Variants in NFIB observed in about 807,000 individuals in gnomAD.
The protein encoded by NFIB is nuclear factor 1 B-type.
Under a neutral mutation model 61.5 loss-of-function variants are expected in NFIB, and 11 were observed. That is an observed-to-expected ratio of 0.18 (90% confidence interval 0.11 to 0.30). The LOEUF is 0.30. Ranked by LOEUF, NFIB falls within the 10% of genes least tolerant of loss-of-function variation. The probability of loss-of-function intolerance (pLI) is 1.00; values close to 1 mark genes in which losing one functional copy is unlikely to be tolerated. For missense variants in NFIB, 471 were observed against 608.9 expected (o/e 0.77, Z 2.38); for synonymous variants, 260 against 216.5 (o/e 1.20, Z -1.76).
chr9:14,218,074 A>T (rs2051164168), intron 2 of NFIB, among the ~76,000 whole-genome samples: 2 of 152,130 alleles, frequency 1.3e-5, no homozygotes, highest in Non-Finnish European at 2.9e-5. Flanking sequence ...GATTTCATCG[A>T]ACTTTTAAGA....
the NFIB span, among the ~76,000 whole-genome samples, chr9:14,510,572 T>C: frequency 9.3e-4 from 142 of 152,378 alleles, 2 homozygotes; most frequent in South Asian, 0.018. Context: ...AAAATGCATA[T>C]AGATTTCATT....
At chr9:14,190,362 G>A (rs1438027161) in intron 2 of NFIB, among the ~76,000 whole-genome samples, 1 of 152,170 alleles carries the variant, frequency 6.6e-6, no homozygotes, top group African/African-American at 2.4e-5. Flanking sequence ...AGGTAAAGTA[G>A]ATTTGTACGT....
intron 8 of NFIB, among the ~76,000 whole-genome samples, chr9:14,118,498 T>C (rs10738353): frequency 0.2 from 30,242 of 151,960 alleles, 3,067 homozygotes; most frequent in South Asian, 0.31. Flanking sequence ...AATTCCCAAG[T>C]CAATGCAGAC....
Position 14,086,797 on chromosome 9 carries a change from T to G in NFIB, c.*1512A>C. The stretch of plus-strand genomic sequence containing the variant: ...ATTTTTTTGTTTTTTTTTTTTTGTT[T>G]TTTGTTTTTTAGATTTCAAGGCAAG... On this transcript the variant is annotated 3_prime_UTR_variant, in exon 11 of 11. Transcript: ENST00000380953. 1 of 206,576 alleles carries G rather than the reference T, an allele frequency of 4.8e-6. No homozygotes were observed. Among genetic ancestry groups the G allele is most frequent in the Non-Finnish European group, 9.9e-6 (1 of 100,922 alleles). 12.8% of individuals were successfully genotyped at this position (206,576 alleles called of 1,614,324 possible).
chr9:14,151,442 T>C (rs532478751), intron 4 of NFIB, among the ~76,000 whole-genome samples: 1 of 152,206 alleles, frequency 6.6e-6, no homozygotes, highest in Admixed American at 6.6e-5. Context: ...TTAATAAAAA[T>C]ATTGGGCAAC....
intron 2 of NFIB, among the ~76,000 whole-genome samples, chr9:14,241,152 A>G (rs918621235): frequency 6.6e-6 from 1 of 152,232 alleles, no homozygotes; most frequent in African/African-American, 2.4e-5. Context: ...ATTACCTGCC[A>G]TTTAACCATT....
chr9:14,509,585 G>T, the NFIB span, among the ~76,000 whole-genome samples: 1 of 152,094 alleles, frequency 6.6e-6, no homozygotes, highest in African/African-American at 2.4e-5. Flanking sequence ...TACTTTGTAG[G>T]GAGCAAACGT....
chr9:14,515,728 G>T, the NFIB span, among the ~76,000 whole-genome samples: 2 of 152,124 alleles, frequency 1.3e-5, no homozygotes, highest in Admixed American at 1.3e-4. Context: ...GGGGCCATGC[G>T]AAAATGCAGA....
chr9:14,201,939 A>G (rs1173972420), intron 2 of NFIB, among the ~76,000 whole-genome samples: 2 of 152,174 alleles, frequency 1.3e-5, no homozygotes. Flanking sequence ...TGGTCCATGT[A>G]TCATCCTTGG....
chr9:14,453,772 T>C, the NFIB span, among the ~76,000 whole-genome samples: 1 of 152,190 alleles, frequency 6.6e-6, no homozygotes, highest in African/African-American at 2.4e-5. Flanking sequence ...CAGCAGTAAA[T>C]TTTTATAACA....
chr9:14,273,089 G>T (rs903443400), intron 2 of NFIB, among the ~76,000 whole-genome samples: 2 of 152,124 alleles, frequency 1.3e-5, no homozygotes, highest in African/African-American at 4.8e-5. Flanking sequence ...GGAGAAAGAA[G>T]ATCACTCATT....
the NFIB span, among the ~76,000 whole-genome samples, chr9:14,453,600 T>A: frequency 6.6e-6 from 1 of 152,176 alleles, no homozygotes; most frequent in African/African-American, 2.4e-5. Flanking sequence ...ACAGCATCAT[T>A]ATTAGTTTAC....
At chr9:14,426,541 T>C in the NFIB span, among the ~76,000 whole-genome samples, 1 of 152,352 alleles carries the variant, frequency 6.6e-6, no homozygotes, top group African/African-American at 2.4e-5. Context: ...GATCAAACTG[T>C]ATATCTTATG....
At position 14,231,054 on chromosome 9, in the gene NFIB, A is replaced by G. The variant is rs544549241; in HGVS notation, c.563-51274T>C. ...GGCAGAGCTGCCACTCTGTCACTAG[A>G]ACAAACCACTAAGAAATAAATACAA... On this transcript the variant is annotated intron_variant, in intron 2 of 10. Coordinates refer to ENST00000380953, the MANE Select transcript of NFIB (RefSeq NM_001190737.2). Among the ~76,000 whole-genome samples, 13 of 149,972 alleles carry G rather than the reference A, an allele frequency of 8.7e-5. No homozygotes were observed. The South Asian group carries it at 1.1e-3, about 12-fold the overall frequency.
intron 4 of NFIB, among the ~76,000 whole-genome samples, chr9:14,151,639 A>T (rs541426882): frequency 4.4e-3 from 677 of 152,284 alleles, no homozygotes; most frequent in Non-Finnish European, 7.4e-3. Context: ...CTGGAGAATG[A>T]GTAAGAGATT....
At chr9:14,112,895 A>G in intron 10 of NFIB, 104 bp downstream of exon 10, 1 of 1,048,058 alleles carries the variant, frequency 9.5e-7, no homozygotes, top group East Asian at 2.7e-5. Context: ...TTGGTCTCAG[A>G]AGCCCCGGGA....
At chr9:14,212,966 T>C (rs1449253579) in intron 2 of NFIB, among the ~76,000 whole-genome samples, 1 of 152,196 alleles carries the variant, frequency 6.6e-6, no homozygotes, top group African/African-American at 2.4e-5. Flanking sequence ...TACTTCCTGC[T>C]TCCCCATTCC....
intron 2 of NFIB, among the ~76,000 whole-genome samples, chr9:14,188,890 C>G (rs2047653177): frequency 6.6e-6 from 1 of 152,146 alleles, no homozygotes; most frequent in Non-Finnish European, 1.5e-5. Flanking sequence ...AAATAAGAAT[C>G]TGAAAATGAA....
At chr9:14,161,942 C>T (rs2044250031) in intron 3 of NFIB, among the ~76,000 whole-genome samples, 1 of 152,096 alleles carries the variant, frequency 6.6e-6, no homozygotes, top group African/African-American at 2.4e-5. Context: ...TGCTGCCAGA[C>T]TTACATATTA....
Sources: gnomAD v4.1 joint callset for allele counts (sites outside exome capture counted in the v4.1 genomes callset) on GRCh38, gnomAD v4.1.1 for gene constraint, MANE v1.5 for transcripts, NCBI Gene and HGNC (gene_info 2026-07-23, HGNC 2026-07-21) for gene names.